The following IGFL2 variants were observed in gnomAD, a reference collection of about 807,000 sequenced individuals.
The protein encoded by IGFL2 is insulin growth factor-like family member 2.
In IGFL2, 7 loss-of-function variants were observed where a neutral mutation model predicts 13.9. The observed-to-expected ratio is 0.51, with a 90% CI of 0.29 to 0.95. The LOEUF is 0.95. Ranked by LOEUF, IGFL2 falls within the 40% of genes least tolerant of loss-of-function variation. The pLI is 0.08. For synonymous variants in IGFL2, 55 were observed against 55.8 expected (o/e 0.99, Z 0.07); for missense variants, 138 against 147.8 (o/e 0.93, Z 0.34).
the IGFL2 span, among the ~76,000 whole-genome samples, chr19:46,199,380 C>T: frequency 6.6e-6 from 1 of 152,176 alleles, no homozygotes; most frequent in Non-Finnish European, 1.5e-5. Flanking sequence ...GAGCTGGGCT[C>T]CAGTGCCGAA....
chr19:46,186,612 C>T, the IGFL2 span, among the ~76,000 whole-genome samples: 4 of 152,360 alleles, frequency 2.6e-5, no homozygotes, highest in African/African-American at 9.6e-5. Flanking sequence ...CTCCTAGTCA[C>T]TTGTCCTCCT....
the IGFL2 span, among the ~76,000 whole-genome samples, chr19:46,169,396 TA>T: frequency 2.0e-5 from 3 of 151,864 alleles, no homozygotes; most frequent in South Asian, 6.2e-4. Context: ...AAATACAAAG[TA>T]AAATAAAGGC....
At chr19:46,199,659 C>A in the IGFL2 span, among the ~76,000 whole-genome samples, 1 of 152,206 alleles carries the variant, frequency 6.6e-6, no homozygotes, top group East Asian at 1.9e-4. Context: ...CAGCTAGACT[C>A]CTCTCTCCTC....
chr19:46,104,778 G>A, the IGFL2 span, among the ~76,000 whole-genome samples: 1 of 152,230 alleles, frequency 6.6e-6, no homozygotes, highest in Non-Finnish European at 1.5e-5. Context: ...TTCCACGATG[G>A]AAAGGAAATG....
At chr19:46,103,534 T>A in the IGFL2 span, among the ~76,000 whole-genome samples, 1 of 151,784 alleles carries the variant, frequency 6.6e-6, no homozygotes, top group Non-Finnish European at 1.5e-5. Flanking sequence ...CAAGAGGGAG[T>A]CAAGAGTGGC....
chr19:46,203,395 T>C, the IGFL2 span: 4 of 152,854 alleles, frequency 2.6e-5, no homozygotes, highest in South Asian at 2.0e-4. Flanking sequence ...CACCAGAGAG[T>C]TGGCCAACAC....
At chr19:46,191,493 G>C in the IGFL2 span, among the ~76,000 whole-genome samples, 1 of 152,170 alleles carries the variant, frequency 6.6e-6, no homozygotes, top group Non-Finnish European at 1.5e-5. Flanking sequence ...ACAAGTAAAC[G>C]TTGCCAGAGT....
the IGFL2 span, among the ~76,000 whole-genome samples, chr19:46,116,398 T>A: frequency 2.6e-5 from 4 of 152,208 alleles, no homozygotes; most frequent in Non-Finnish European, 5.9e-5. Context: ...GACTGGGAAA[T>A]CCTAGATTTT....
At chr19:46,205,227 C>T in the IGFL2 span, among the ~76,000 whole-genome samples, 1 of 152,126 alleles carries the variant, frequency 6.6e-6, no homozygotes, top group Non-Finnish European at 1.5e-5. Context: ...ATATACTTTT[C>T]CAACAAACAG....
the IGFL2 span, chr19:46,137,222 C>T: frequency 2.0e-5 from 31 of 1,524,544 alleles, no homozygotes; most frequent in East Asian, 3.6e-4. Context: ...CTTGGGCCCA[C>T]GGCAGGTAAT....
the IGFL2 span, among the ~76,000 whole-genome samples, chr19:46,133,480 A>G: frequency 6.6e-6 from 1 of 152,228 alleles, no homozygotes; most frequent in South Asian, 2.1e-4. Flanking sequence ...GCAGAGGAGA[A>G]CAAAGGAAGA....
the IGFL2 span, among the ~76,000 whole-genome samples, chr19:46,117,768 C>G: frequency 6.6e-6 from 1 of 152,116 alleles, no homozygotes; most frequent in Non-Finnish European, 1.5e-5. Flanking sequence ...TGTGAGCCAC[C>G]GCGCCCGGAC....
At chr19:46,130,997 G>A in the IGFL2 span, among the ~76,000 whole-genome samples, 3 of 152,078 alleles carry the variant, frequency 2.0e-5, no homozygotes, top group Non-Finnish European at 2.9e-5. Context: ...GCTTACGTAA[G>A]GAGGCCATCT....
At chr19:46,208,481 T>C in the IGFL2 span, 1 of 152,344 alleles carries the variant, frequency 6.6e-6, no homozygotes, top group East Asian at 1.9e-4. Flanking sequence ...TTGCATTCTC[T>C]CGGAGGAATA....
chr19:46,169,878 C>T, the IGFL2 span, among the ~76,000 whole-genome samples: 1 of 150,292 alleles, frequency 6.7e-6, no homozygotes, highest in Non-Finnish European at 1.5e-5. Flanking sequence ...ATGGAGATAA[C>T]ACCCTAGAAT....
chr19:46,193,896 C>T, the IGFL2 span, among the ~76,000 whole-genome samples: 407 of 152,278 alleles, frequency 2.7e-3, 3 homozygotes, highest in African/African-American at 9.3e-3. Flanking sequence ...GGCTCAGCCT[C>T]TCTGTTTCCA....
the IGFL2 span, among the ~76,000 whole-genome samples, chr19:46,079,320 C>T: frequency 7.9e-5 from 12 of 152,340 alleles, no homozygotes; most frequent in Middle Eastern, 3.4e-3. Context: ...TTTGGCTGCC[C>T]AGGAGGTGCG....
the IGFL2 span, chr19:46,212,975 G>C: frequency 6.6e-6 from 1 of 152,432 alleles, no homozygotes; most frequent in East Asian, 1.9e-4. Flanking sequence ...TGCCTGAGTC[G>C]CACAGTCTCT....
the IGFL2 span, chr19:46,137,572 G>A: frequency 9.7e-7 from 1 of 1,036,234 alleles, no homozygotes; most frequent in Non-Finnish European, 1.5e-6. Context: ...CCGTCTCACT[G>A]CCAGATGCTG....
Sources: gnomAD v4.1 joint callset for allele counts (sites outside exome capture counted in the v4.1 genomes callset) on GRCh38, gnomAD v4.1.1 for gene constraint, MANE v1.5 for transcripts, NCBI Gene and HGNC (gene_info 2026-07-23, HGNC 2026-07-21) for gene names.